EPB41L4A: variants seen among roughly 807,000 people sequenced by gnomAD.
EPB41L4A encodes band 4.1-like protein 4A.
A neutral mutation model predicts 108.6 loss-of-function variants in EPB41L4A; 100 were observed. The ratio of observed to expected loss-of-function variants is 0.92; its 90% CI spans 0.78 to 1.09. The LOEUF (loss-of-function observed/expected upper bound fraction) is 1.09. Ranked by LOEUF, EPB41L4A falls within the 50% of genes least tolerant of loss-of-function variation. The probability of loss-of-function intolerance (pLI) is 0.00; values close to 1 mark genes in which losing one functional copy is unlikely to be tolerated. For missense variants in EPB41L4A, 1,030 were observed against 842.7 expected (o/e 1.22, Z -2.75); for synonymous variants, 319 against 289.0 (o/e 1.10, Z -1.05).
At chr5:112,386,529 A>C (rs1760539811) in intron 1 of EPB41L4A, among the ~76,000 whole-genome samples, 1 of 152,196 alleles carries the variant, frequency 6.6e-6, no homozygotes, top group African/African-American at 2.4e-5. Context: ...GTAACAGAAT[A>C]TTTCAGTTTG....
rs1760011121 is a variant in EPB41L4A, at chr5:112,163,050, G to A, written c.*1940C>T. The A allele has an allele frequency of 6.6e-6, 1 of 152,174 alleles. No homozygotes were observed. The highest frequency in any genetic ancestry group is 2.4e-5 in the African/African-American group (1 of 41,434). 9.4% of individuals were successfully genotyped at this position (152,174 alleles called of 1,614,324 possible). A position where few individuals can be genotyped will look rare whatever the true frequency, so the allele number is the denominator to read the frequency against. On this transcript the variant is annotated 3_prime_UTR_variant, in exon 23 of 23. Coordinates refer to ENST00000261486, the MANE Select transcript of EPB41L4A (RefSeq NM_022140.5). ...AGGTAAAGAAGCCAGACCACTTCAG[G>A]CTCCCTCTGGCTTTATTAAAGCAAG...
intron 15 of EPB41L4A, among the ~76,000 whole-genome samples, chr5:112,201,203 C>T (rs1762202964): frequency 6.6e-6 from 1 of 152,188 alleles, no homozygotes; most frequent in Non-Finnish European, 1.5e-5. Context: ...CTCATTGCCT[C>T]AAAACACACG....
chr5:112,294,451 A>G (rs1416901035), intron 2 of EPB41L4A, among the ~76,000 whole-genome samples: 1 of 152,214 alleles, frequency 6.6e-6, no homozygotes, highest in African/African-American at 2.4e-5. Context: ...CTTCCCTTCA[A>G]AAAGTATCCG....
At chr5:112,399,594 A>AT (rs1173564496) in intron 1 of EPB41L4A, among the ~76,000 whole-genome samples, 7 of 152,184 alleles carry the variant, frequency 4.6e-5, no homozygotes, top group African/African-American at 1.4e-4. Context: ...ATCACCACAC[A>AT]TAACACTTTC....
At chr5:112,357,846 T>G (rs1281994630) in intron 1 of EPB41L4A, among the ~76,000 whole-genome samples, 1 of 152,106 alleles carries the variant, frequency 6.6e-6, no homozygotes, top group Non-Finnish European at 1.5e-5. Context: ...ATGAGCAGTA[T>G]GTAAAAATTA....
intron 9 of EPB41L4A, among the ~76,000 whole-genome samples, chr5:112,244,489 G>C (rs550812591): frequency 2.2e-4 from 34 of 152,132 alleles, no homozygotes; most frequent in African/African-American, 8.2e-4. Context: ...CCCTGAGAAA[G>C]AGAAAGAGAC....
chr5:112,190,152 G>C (rs1761623768), intron 17 of EPB41L4A, among the ~76,000 whole-genome samples: 1 of 152,142 alleles, frequency 6.6e-6, no homozygotes, highest in East Asian at 1.9e-4. Context: ...GAATTCAATA[G>C]AATCAACTGT....
At chr5:112,341,650 G>A (rs1214228251) in intron 1 of EPB41L4A, among the ~76,000 whole-genome samples, 1 of 152,012 alleles carries the variant, frequency 6.6e-6, no homozygotes, top group African/African-American at 2.4e-5. Flanking sequence ...AGTTGCTCAC[G>A]CCCATAATTC....
intron 3 of EPB41L4A, among the ~76,000 whole-genome samples, chr5:112,278,256 T>C (rs1009679961): frequency 4.5e-5 from 6 of 134,174 alleles, no homozygotes; most frequent in African/African-American, 1.5e-4. Context: ...ATACATCAAT[T>C]TTTTTTTTTT....
chr5:112,266,172 T>G lies in EPB41L4A; in HGVS notation c.433+61A>C, dbSNP rs1416681792. ...AGAGTTTTAGTATGTAAACTCCCTT[T>G]TAAAAATGCAAATACTTTCTCCAGA... On this transcript the variant is annotated intron_variant, in intron 5 of 22. Transcript: ENST00000261486. 1.4e-5 allele frequency: 18 copies of G among 1,248,456 alleles called. 1 individual carries two copies. Among genetic ancestry groups the G allele is most frequent in the East Asian group, 7.5e-5 (3 of 39,752 alleles). The allele number at this position is 1,248,456 out of a possible 1,614,324, so 77.3% of individuals were successfully genotyped here.
intron 1 of EPB41L4A, among the ~76,000 whole-genome samples, chr5:112,415,119 T>C (rs1464013420): frequency 6.6e-6 from 1 of 152,200 alleles, no homozygotes; most frequent in African/African-American, 2.4e-5. Flanking sequence ...GAATGAAAAT[T>C]GTAATTTTTG....
chr5:112,245,797 T>C (rs999068345), intron 9 of EPB41L4A, among the ~76,000 whole-genome samples: 4 of 152,070 alleles, frequency 2.6e-5, no homozygotes, highest in African/African-American at 9.7e-5. Flanking sequence ...GTGCGCAGAA[T>C]GGATGAAGGT....
At chr5:112,202,141 T>A (rs1020521186) in intron 15 of EPB41L4A, among the ~76,000 whole-genome samples, 1 of 152,184 alleles carries the variant, frequency 6.6e-6, no homozygotes, top group African/African-American at 2.4e-5. Context: ...ACCTGTGGCA[T>A]CAACTCTTGC....
chr5:112,264,161 G>A (rs1483627374), intron 6 of EPB41L4A: 1 of 152,158 alleles, frequency 6.6e-6, no homozygotes, highest in Non-Finnish European at 1.5e-5. Context: ...GTATATTCAA[G>A]AGGAAGTGTT....
intron 12 of EPB41L4A, among the ~76,000 whole-genome samples, chr5:112,153,626 A>G (rs1373526583): frequency 2.0e-5 from 3 of 151,244 alleles, no homozygotes; most frequent in Non-Finnish European, 4.4e-5. Context: ...ACAAGGAGAC[A>G]TTAACAAATC....
intron 1 of EPB41L4A, among the ~76,000 whole-genome samples, chr5:112,344,857 T>C (rs1413820401): frequency 1.3e-5 from 2 of 152,224 alleles, no homozygotes; most frequent in Non-Finnish European, 2.9e-5. Flanking sequence ...AGAAGTAGAC[T>C]GTACAGTACA....
chr5:112,266,161 T>A, intron 5 of EPB41L4A, 72 bp downstream of exon 5: 1 of 1,099,406 alleles, frequency 9.1e-7, no homozygotes, highest in Non-Finnish European at 1.3e-6. Flanking sequence ...TTTTAGTATG[T>A]AAACTCCCTT....
At chr5:112,276,678 GAATA>G (rs796680468) in intron 3 of EPB41L4A, among the ~76,000 whole-genome samples, 2 of 152,224 alleles carry the variant, frequency 1.3e-5, no homozygotes, top group African/African-American at 4.8e-5. Flanking sequence ...ATTCTTAACT[GAATA>G]AATAAAGTCA....
intron 1 of EPB41L4A, among the ~76,000 whole-genome samples, chr5:112,405,968 T>G (rs745759778): frequency 1.3e-5 from 2 of 152,264 alleles, no homozygotes; most frequent in Non-Finnish European, 2.9e-5. Context: ...TCTTGTAGAA[T>G]TGAGTTCACA....
Sources: gnomAD v4.1 joint callset for allele counts (sites outside exome capture counted in the v4.1 genomes callset) on GRCh38, gnomAD v4.1.1 for gene constraint, MANE v1.5 for transcripts, NCBI Gene and HGNC (gene_info 2026-07-23, HGNC 2026-07-21) for gene names.